AHCY: variants seen among roughly 807,000 people sequenced by gnomAD.
AHCY encodes the protein adenosylhomocysteinase, also known as S-adenosyl-L-homocysteine hydrolase.
Under a neutral mutation model 45.4 loss-of-function variants are expected in AHCY, and 24 were observed. The ratio of observed to expected loss-of-function variants is 0.53; its 90% CI spans 0.38 to 0.74. The LOEUF (loss-of-function observed/expected upper bound fraction) is 0.74, where lower values mean the gene tolerates loss of function less well. Among genes scored for constraint, AHCY ranks in the 30% least tolerant of loss-of-function variants. AHCY has a pLI of 0.00. For missense variants in AHCY, 449 were observed against 594.1 expected, an observed-to-expected ratio of 0.76 and a Z score of 2.54; for synonymous variants, 245 against 235.1, an observed-to-expected ratio of 1.04 and a Z score of -0.39.
intron 9 of AHCY, 142 bp from the exon 10 acceptor site, chr20:34,281,307 C>A: frequency 1.5e-6 from 2 of 1,326,662 alleles, no homozygotes; most frequent in South Asian, 1.3e-5. Flanking sequence ...TATCCTCACA[C>A]CCAGCCTCAG....
At chr20:34,273,889 A>G in the AHCY span, among the ~76,000 whole-genome samples, 1 of 152,234 alleles carries the variant, frequency 6.6e-6, no homozygotes, top group Non-Finnish European at 1.5e-5. Context: ...CATTACAGAA[A>G]GGAGGTTTCT....
At chr20:34,269,131 C>T in the AHCY span, 9 of 1,553,854 alleles carry the variant, frequency 5.8e-6, no homozygotes, top group Non-Finnish European at 7.8e-6. Context: ...TCTTCCGCAG[C>T]GCCTGCTCCT....
At chr20:34,263,789 C>T in the AHCY span, among the ~76,000 whole-genome samples, 2 of 151,710 alleles carry the variant, frequency 1.3e-5, no homozygotes, top group South Asian at 2.1e-4. Flanking sequence ...ATGCCTCAGC[C>T]TCCCGAGTAG....
chr20:34,232,985 G>A, the AHCY span, among the ~76,000 whole-genome samples: 1 of 152,128 alleles, frequency 6.6e-6, no homozygotes, highest in East Asian at 1.9e-4. Flanking sequence ...GGAGTTTAAC[G>A]TGTTCTCCCT....
At chr20:34,288,997 G>GT (rs1288618063) in intron 8 of AHCY, among the ~76,000 whole-genome samples, 2 of 152,046 alleles carry the variant, frequency 1.3e-5, no homozygotes, top group Non-Finnish European at 2.9e-5. Flanking sequence ...GTCCCTTTTT[G>GT]TTTTTTGTTT....
At chr20:34,267,552 A>T in the AHCY span, among the ~76,000 whole-genome samples, 1 of 149,752 alleles carries the variant, frequency 6.7e-6, no homozygotes, top group African/African-American at 2.5e-5. Flanking sequence ...TTTTTTTGAG[A>T]CAGAGTTTTG....
intron 9 of AHCY, among the ~76,000 whole-genome samples, chr20:34,283,478 G>A (rs765225979): frequency 1.3e-5 from 2 of 152,194 alleles, no homozygotes; most frequent in African/African-American, 2.4e-5. Flanking sequence ...CCTGCATACA[G>A]CATGTGAGGC....
downstream of AHCY, among the ~76,000 whole-genome samples, chr20:34,276,573 G>A (rs2035911985): frequency 6.6e-6 from 1 of 152,102 alleles, no homozygotes; most frequent in African/African-American, 2.4e-5. Flanking sequence ...TATGGAAGTT[G>A]TCAGGAAAAG....
At position 34,280,930 on chromosome 20, in the gene AHCY, G is replaced by A. The variant is rs2035978811; in HGVS notation, c.*104C>T. ...GATCAGCCCCAGAGAGTCGATGGGG[G>A]ACACTGACAAACCAATCACAAAGTT... On this transcript the variant is annotated 3_prime_UTR_variant, in exon 10 of 10. Transcript: ENST00000217426. 2.0e-6 allele frequency: 3 copies of A among 1,534,942 alleles called. No individual in the cohort carries two copies. Among genetic ancestry groups the A allele is most frequent in the Non-Finnish European group, 2.7e-6 (3 of 1,127,630 alleles).
At chr20:34,239,182 T>C in the AHCY span, among the ~76,000 whole-genome samples, 1 of 152,134 alleles carries the variant, frequency 6.6e-6, no homozygotes, top group East Asian at 1.9e-4. Context: ...CACCACCTAA[T>C]ATCCATCAGA....
chr20:34,292,451 G>C lies in AHCY; in HGVS notation c.352C>G (p.Leu118Val), dbSNP rs778722859. 9.3e-6 allele frequency: 15 copies of C among 1,614,130 alleles called. No homozygotes were observed. The highest frequency in any genetic ancestry group is 1.3e-5 in the Non-Finnish European group (15 of 1,180,036). ...EEYLWCIEQT[L>V]YFKDGPLNMI... is the part of the protein sequence containing the mutation. ...TTGAGGGGCCCGTCCTTGAAGTACA[G>C]GGTCTGCTCAATGCACCACAGGTAC... Residue 118 changes from leucine (L) to valine (V), a missense_variant, in exon 4 of 10, where the codon CTG (leucine) becomes GTG (valine). Leu to Val is a conservative substitution (Grantham distance 32, BLOSUM62 1). Coordinates refer to ENST00000217426, the MANE Select transcript of AHCY (RefSeq NM_000687.4).
At chr20:34,234,460 GCTTT>G in the AHCY span, among the ~76,000 whole-genome samples, 6 of 152,100 alleles carry the variant, frequency 3.9e-5, no homozygotes, top group Non-Finnish European at 5.9e-5. Flanking sequence ...GGCGCTATCA[GCTTT>G]CTTTCTTTCT....
chr20:34,281,177 CAAAG>C lies in AHCY; in HGVS notation c.1168-16_1168-13del. The C allele has an allele frequency of 6.2e-7, 1 of 1,612,504 alleles. No individual in the cohort carries two copies. The highest frequency in any genetic ancestry group is 8.5e-7 in the Non-Finnish European group (1 of 1,179,928). On this transcript the variant is annotated splice_polypyrimidine_tract_variant and intron_variant, in intron 9 of 9. Transcript: ENST00000217426. Reference sequence around the variant, plus strand: ...ACTGCCTCATCCAGCTGGGGAGAAACAAAGGAAGACCGGGAATCAGTGCCATTTT... The same window carrying C: ...ACTGCCTCATCCAGCTGGGGAGAAACGAAGACCGGGAATCAGTGCCATTTT...
At chr20:34,304,114 T>C (rs969273435), upstream of AHCY, among the ~76,000 whole-genome samples, 5 of 152,244 alleles carry the variant, frequency 3.3e-5, no homozygotes, top group African/African-American at 1.2e-4. Context: ...CATACATTTC[T>C]TATACTTTTA....
At chr20:34,260,571 G>A in the AHCY span, 29 of 1,558,016 alleles carry the variant, frequency 1.9e-5, no homozygotes, top group East Asian at 6.3e-4. Context: ...GCCCAGGAGA[G>A]GGGCTGCAGG....
chr20:34,310,981 G>C lies in AHCY; in HGVS notation c.-57+491C>G, dbSNP rs2036941818. On this transcript the variant is annotated intron_variant, in intron 1 of 9. Coordinates refer to the AHCY transcript ENST00000538132. ...TCTCTACTAAAAATACAAAAATTAG[G>C]CGGGCGTGGTGGCACACACCTGTAA... 2.0e-5 allele frequency among the ~76,000 whole-genome samples: 3 copies of C among 151,746 alleles called. No individual in the cohort carries two copies. The South Asian group carries it at 6.3e-4, about 32-fold the overall frequency.
At chr20:34,306,039 G>A (rs576834502), upstream of AHCY, among the ~76,000 whole-genome samples, 12 of 144,478 alleles carry the variant, frequency 8.3e-5, no homozygotes, top group Admixed American at 2.9e-4. Flanking sequence ...CCAAGATTGC[G>A]CCACCGCACT....
At chr20:34,273,394 T>A in the AHCY span, among the ~76,000 whole-genome samples, 21 of 152,284 alleles carry the variant, frequency 1.4e-4, no homozygotes, top group African/African-American at 5.1e-4. Context: ...AACATGGAAA[T>A]GGTAGCATCA....
chr20:34,277,040 C>T (rs374739344), downstream of AHCY, among the ~76,000 whole-genome samples: 11 of 152,174 alleles, frequency 7.2e-5, no homozygotes, highest in East Asian at 9.7e-4. Flanking sequence ...CCCCGTGATC[C>T]GGCTTCCTGG....
Sources: allele counts gnomAD v4.1 joint callset (sites outside exome capture counted in the v4.1 genomes callset), GRCh38; gene constraint gnomAD v4.1.1; transcripts MANE v1.5; gene names NCBI Gene and HGNC (gene_info 2026-07-23, HGNC 2026-07-21).